The following SLC35F4 variants were observed in gnomAD, a reference collection of about 807,000 sequenced individuals.
SLC35F4 encodes solute carrier family 35 member F4, also known as chromosome 14 open reading frame 36.
SLC35F4 carries 24 observed loss-of-function variants against 44.2 expected under a neutral mutation model. The observed-to-expected ratio is 0.54, with a 90% CI of 0.39 to 0.76. The LOEUF is 0.76. Among genes scored for constraint, SLC35F4 ranks in the 30% least tolerant of loss-of-function variants. SLC35F4 has a pLI of 0.00. For missense variants in SLC35F4, 562 were observed against 586.1 expected (o/e 0.96, Z 0.42); for synonymous variants, 238 against 223.6 (o/e 1.06, Z -0.57).
intron 1 of SLC35F4, among the ~76,000 whole-genome samples, chr14:57,681,009 G>GA (rs1424014375): frequency 1.3e-5 from 2 of 151,656 alleles, no homozygotes; most frequent in South Asian, 2.1e-4. Flanking sequence ...CGAAGAATTG[G>GA]AAAAAAACTA....
intron 1 of SLC35F4, among the ~76,000 whole-genome samples, chr14:57,945,429 A>G (rs1228779228): frequency 7.9e-6 from 1 of 126,746 alleles, no homozygotes; most frequent in Non-Finnish European, 1.6e-5. Context: ...ACCAGGTAAG[A>G]GCAATGATAA....
chr14:57,967,804 A>C (rs529662396), intron 1 of SLC35F4, among the ~76,000 whole-genome samples: 1 of 152,346 alleles, frequency 6.6e-6, no homozygotes, highest in Admixed American at 6.5e-5. Context: ...CATCAACTTC[A>C]ATAGCAGGAG....
chr14:57,761,356 A>T (rs1019307177), intron 1 of SLC35F4, among the ~76,000 whole-genome samples: 3 of 152,176 alleles, frequency 2.0e-5, no homozygotes, highest in African/African-American at 7.2e-5. Flanking sequence ...TAGAATATCT[A>T]CTATTATTTT....
chr14:57,613,904 T>C (rs1363658396), intron 1 of SLC35F4, among the ~76,000 whole-genome samples: 1 of 152,236 alleles, frequency 6.6e-6, no homozygotes, highest in Non-Finnish European at 1.5e-5. Context: ...GATGATGTAA[T>C]GTATGTTTGT....
At chr14:57,742,099 G>A (rs976183216) in intron 1 of SLC35F4, among the ~76,000 whole-genome samples, 5 of 152,164 alleles carry the variant, frequency 3.3e-5, no homozygotes, top group African/African-American at 1.2e-4. Context: ...GGAACAACCG[G>A]TACGAGCCAC....
intron 1 of SLC35F4, among the ~76,000 whole-genome samples, chr14:57,793,630 C>T (rs558794928): frequency 2.6e-5 from 4 of 151,730 alleles, no homozygotes; most frequent in African/African-American, 7.2e-5. Context: ...TTTCTTTATC[C>T]GTTCATATTG....
intron 1 of SLC35F4, among the ~76,000 whole-genome samples, chr14:57,745,280 A>C (rs2076724899): frequency 6.6e-6 from 1 of 152,228 alleles, no homozygotes; most frequent in African/African-American, 2.4e-5. Context: ...AGAAACTACC[A>C]TCAGAGTGAA....
At chr14:57,742,146 T>C (rs2076627618) in intron 1 of SLC35F4, among the ~76,000 whole-genome samples, 1 of 152,178 alleles carries the variant, frequency 6.6e-6, no homozygotes, top group Non-Finnish European at 1.5e-5. Flanking sequence ...CCATCCAGGC[T>C]AGGAAGAAAC....
At chr14:57,701,427 A>G (rs2075537975) in intron 1 of SLC35F4, among the ~76,000 whole-genome samples, 1 of 152,248 alleles carries the variant, frequency 6.6e-6, no homozygotes, top group African/African-American at 2.4e-5. Context: ...GATAAAAAGT[A>G]TAGTTATAGT....
chr14:57,946,629 C>G (rs1191732077), intron 1 of SLC35F4, among the ~76,000 whole-genome samples: 1 of 151,926 alleles, frequency 6.6e-6, no homozygotes, highest in Non-Finnish European at 1.5e-5. Flanking sequence ...CATGTGCCAC[C>G]ATGCCTGGCT....
intron 1 of SLC35F4, among the ~76,000 whole-genome samples, chr14:57,890,554 C>CAT (rs1888739812): frequency 6.6e-6 from 1 of 152,180 alleles, no homozygotes; most frequent in African/African-American, 2.4e-5. Flanking sequence ...CCCCTCTCCA[C>CAT]TGCATGGAGC....
intron 1 of SLC35F4, among the ~76,000 whole-genome samples, chr14:57,929,094 T>C (rs1036261800): frequency 1.3e-5 from 2 of 152,106 alleles, no homozygotes; most frequent in Admixed American, 6.5e-5. Context: ...CTGTAAGAGA[T>C]TGTGAACCCC....
intron 1 of SLC35F4, among the ~76,000 whole-genome samples, chr14:57,810,958 G>A (rs1023806108): frequency 1.6e-4 from 24 of 152,214 alleles, no homozygotes; most frequent in African/African-American, 5.5e-4. Flanking sequence ...GACTTATTAA[G>A]GGAAGCTCTG....
chr14:57,680,875 C>A (rs2074875953), intron 1 of SLC35F4, among the ~76,000 whole-genome samples: 1 of 152,040 alleles, frequency 6.6e-6, no homozygotes. Flanking sequence ...AGAGAGGACA[C>A]AAACAAATGG....
intron 1 of SLC35F4, among the ~76,000 whole-genome samples, chr14:57,793,477 T>C (rs2077978668): frequency 6.6e-6 from 1 of 152,128 alleles, no homozygotes; most frequent in South Asian, 2.1e-4. Flanking sequence ...CTCTCACTTA[T>C]AGGTAAGAAC....
intron 1 of SLC35F4, among the ~76,000 whole-genome samples, chr14:57,760,015 G>A (rs73289966): frequency 0.063 from 9,443 of 150,506 alleles, 324 homozygotes; most frequent in African/African-American, 0.1. Context: ...TTCTTTTTCT[G>A]TGTCACTTTT....
intron 1 of SLC35F4, among the ~76,000 whole-genome samples, chr14:57,637,447 G>A (rs767482058): frequency 4.6e-5 from 7 of 152,090 alleles, no homozygotes; most frequent in South Asian, 2.1e-4. Context: ...ATGCTGAAGC[G>A]CCCAGCTCCC....
intron 1 of SLC35F4, among the ~76,000 whole-genome samples, chr14:57,751,096 T>C (rs141154168): frequency 1.1e-3 from 165 of 152,338 alleles, no homozygotes; most frequent in Non-Finnish European, 1.7e-3. Context: ...AGGGACTTTA[T>C]GTAAATTATT....
At chr14:57,567,855 C>T (rs2068281922) in intron 6 of SLC35F4, among the ~76,000 whole-genome samples, 1 of 152,300 alleles carries the variant, frequency 6.6e-6, no homozygotes. Flanking sequence ...TGGGCTAACA[C>T]ATTTCCTGAA....
Sources: allele counts gnomAD v4.1 joint callset (sites outside exome capture counted in the v4.1 genomes callset), GRCh38; gene constraint gnomAD v4.1.1; transcripts MANE v1.5; gene names NCBI Gene and HGNC (gene_info 2026-07-23, HGNC 2026-07-21).